ABCA12: variants seen among roughly 807,000 people sequenced by gnomAD.
ABCA12 encodes the protein glucosylceramide transporter ABCA12.
ABCA12 carries 156 observed loss-of-function variants against 293.5 expected under a neutral mutation model. The ratio of observed to expected loss-of-function variants is 0.53; its 90% confidence interval spans 0.47 to 0.61. The LOEUF (loss-of-function observed/expected upper bound fraction) is 0.61, where lower values mean the gene tolerates loss of function less well. ABCA12 is among the 20% of genes least tolerant of loss of function. The pLI, the probability that ABCA12 is intolerant of heterozygous loss-of-function variation, is 0.00. For synonymous variants in ABCA12, 1,063 were observed against 1,108.0 expected (o/e 0.96, Z 0.81); for missense variants, 2,797 against 3,090.2 (o/e 0.91, Z 2.25).
At chr2:214,992,356 T>C (rs1233027208) in intron 23 of ABCA12, among the ~76,000 whole-genome samples, 1 of 143,128 alleles carries the variant, frequency 7.0e-6, no homozygotes, top group Non-Finnish European at 1.5e-5. Context: ...GGCAGGAGAA[T>C]GGCGTGAACC....
chr2:215,089,964 C>A (rs1702108727), intron 2 of ABCA12, among the ~76,000 whole-genome samples: 1 of 152,106 alleles, frequency 6.6e-6, no homozygotes, highest in South Asian at 2.1e-4. Flanking sequence ...CCCAAGCCTG[C>A]CTGTATATAT....
rs866339734 is a variant in ABCA12, at chr2:215,011,865, G to T, written c.2121+106C>A. 69 of 1,036,324 alleles carry T rather than the reference G, an allele frequency of 6.7e-5. No individual in the cohort carries two copies. In the Middle Eastern group the frequency reaches 6.7e-4, roughly 10 times the overall value. 64.2% of individuals were successfully genotyped at this position (1,036,324 alleles called of 1,614,324 possible). A position where few individuals can be genotyped will look rare whatever the true frequency, so the allele number is the denominator to read the frequency against. ...GTAGAAGAGTTTTCTTGTAGGTGTT[G>T]TTTTTTTTTTTTTCAATGTACTACG... On this transcript the variant is annotated intron_variant, in intron 16 of 52. Coordinates refer to ENST00000272895, the MANE Select transcript of ABCA12 (RefSeq NM_173076.3).
chr2:215,033,988 A>G (rs1700938491), intron 8 of ABCA12, among the ~76,000 whole-genome samples: 1 of 152,152 alleles, frequency 6.6e-6, no homozygotes, highest in African/African-American at 2.4e-5. Context: ...ACTGGGATAG[A>G]CACAGCTAAA....
chr2:215,065,141 G>T (rs1342766807), intron 2 of ABCA12, among the ~76,000 whole-genome samples: 2 of 151,586 alleles, frequency 1.3e-5, no homozygotes, highest in African/African-American at 4.8e-5. Flanking sequence ...ATGACAATAG[G>T]CAAGCTGGGA....
chr2:215,038,075 G>A (rs1209133577), intron 7 of ABCA12, among the ~76,000 whole-genome samples: 1 of 152,060 alleles, frequency 6.6e-6, no homozygotes, highest in East Asian at 1.9e-4. Flanking sequence ...TTAAGATGAT[G>A]TTAATTTTAG....
chr2:214,978,557 C>T, intron 32 of ABCA12, 91 bp from the exon 33 acceptor site: 2 of 1,484,552 alleles, frequency 1.3e-6, no homozygotes, highest in Non-Finnish European at 1.8e-6. Flanking sequence ...ACTTTTATCA[C>T]ATTTACTGAG....
At chr2:214,938,471 G>T (rs79336284) in intron 50 of ABCA12, among the ~76,000 whole-genome samples, 60,864 of 151,936 alleles carry the variant, frequency 0.4, 12,282 homozygotes, top group South Asian at 0.45. Context: ...ATCCTTTGGG[G>T]ACATACCCAG....
intron 1 of ABCA12, among the ~76,000 whole-genome samples, chr2:215,121,319 T>C (rs924838730): frequency 6.6e-6 from 1 of 152,240 alleles, no homozygotes. Context: ...TATGAGAGCA[T>C]TGAAAGTCAT....
At chr2:214,968,018 G>T (rs1310376828) in intron 38 of ABCA12, among the ~76,000 whole-genome samples, 1 of 152,064 alleles carries the variant, frequency 6.6e-6, no homozygotes, top group Admixed American at 6.6e-5. Context: ...CATTAAATTT[G>T]GTTAAAGTTT....
At chr2:214,981,229 A>G (rs1699644640) in intron 30 of ABCA12, among the ~76,000 whole-genome samples, 1 of 152,190 alleles carries the variant, frequency 6.6e-6, no homozygotes, top group Non-Finnish European at 1.5e-5. Flanking sequence ...ACCATTTGTC[A>G]TGTGGGCATT....
intron 15 of ABCA12, 32 bp from the exon 16 acceptor site, chr2:215,012,167 A>G (rs1305531885): frequency 2.5e-6 from 4 of 1,606,432 alleles, no homozygotes; most frequent in Non-Finnish European, 3.4e-6. Flanking sequence ...TAAATGCTTT[A>G]TGTGGAAAAA....
chr2:214,937,852 A>C (rs1379960489), intron 50 of ABCA12, among the ~76,000 whole-genome samples: 1 of 152,012 alleles, frequency 6.6e-6, no homozygotes, highest in Non-Finnish European at 1.5e-5. Context: ...GCAAAAATTG[A>C]GTTGAAAAGA....
At chr2:215,131,608 T>C (rs1263720824) in intron 1 of ABCA12, among the ~76,000 whole-genome samples, 1 of 151,638 alleles carries the variant, frequency 6.6e-6, no homozygotes, top group Non-Finnish European at 1.5e-5. Context: ...AGTAATTATG[T>C]GAATCTTTCT....
rs1285174703 is a variant in ABCA12, at chr2:215,015,627, T to C, written c.1819A>G (p.Thr607Ala). ...SQVFWLHSCD[T>A]NITTPKLEDA... ...TCTAGTTTGGGAGTGGTGATATTAG[T>C]ATCACAGGAATGCAGCCAGAACACC... The change falls in exon 15 of 53, where the codon ACT becomes GCT. Residue 607 changes from threonine (T) to alanine (A), a missense_variant. Physicochemically the swap from Thr to Ala is moderately conservative, Grantham distance 58. Coordinates refer to ENST00000272895, the MANE Select transcript of ABCA12 (RefSeq NM_173076.3). The C allele has an allele frequency of 2.5e-6, 4 of 1,613,942 alleles. No homozygotes were observed. The highest frequency in any genetic ancestry group is 2.2e-5 in the East Asian group (1 of 44,866).
At chr2:215,004,852 TATA>T (rs951914059) in intron 19 of ABCA12, 2 of 152,618 alleles carry the variant, frequency 1.3e-5, no homozygotes, top group African/African-American at 4.8e-5. Context: ...TTTCAATTAT[TATA>T]ATATTATTTT....
chr2:215,019,925 G>A, intron 11 of ABCA12, 129 bp from the exon 12 acceptor site: 1 of 1,126,014 alleles, frequency 8.9e-7, no homozygotes, highest in Non-Finnish European at 1.3e-6. Context: ...TGGTTAGTTG[G>A]CATTTGGCGT....
intron 50 of ABCA12, among the ~76,000 whole-genome samples, chr2:214,938,116 C>T (rs1698279056): frequency 1.3e-5 from 2 of 151,814 alleles, no homozygotes; most frequent in African/African-American, 4.8e-5. Flanking sequence ...GCCCCCCACC[C>T]CCCAACAGAC....
At chr2:215,102,464 TG>T (rs1702379581) in intron 2 of ABCA12, among the ~76,000 whole-genome samples, 1 of 152,134 alleles carries the variant, frequency 6.6e-6, no homozygotes, top group African/African-American at 2.4e-5. Context: ...CTGGGCATGA[TG>T]GCGCGCACCT....
chr2:215,086,548 A>G (rs1702042006), intron 2 of ABCA12, among the ~76,000 whole-genome samples: 2 of 152,210 alleles, frequency 1.3e-5, no homozygotes, highest in African/African-American at 4.8e-5. Flanking sequence ...CCACCTTTAC[A>G]TGAACACAGC....
Sources: gnomAD v4.1 joint callset for allele counts (sites outside exome capture counted in the v4.1 genomes callset) on GRCh38, gnomAD v4.1.1 for gene constraint, MANE v1.5 for transcripts, NCBI Gene and HGNC (gene_info 2026-07-23, HGNC 2026-07-21) for gene names.